Variants in AGMO observed in about 807,000 individuals in gnomAD.
The protein encoded by AGMO is alkylglycerol monooxygenase.
AGMO carries 75 observed loss-of-function variants against 60.2 expected under a neutral mutation model. The observed-to-expected ratio is 1.25, with a 90% CI of 1.03 to 1.51. The LOEUF is 1.51. AGMO is among the 40% of genes most tolerant of loss of function. The probability of loss-of-function intolerance (pLI) is 0.00; values close to 1 mark genes in which losing one functional copy is unlikely to be tolerated. For synonymous variants in AGMO, 261 were observed against 177.1 expected (o/e 1.47, Z -3.76); for missense variants, 763 against 525.5 (o/e 1.45, Z -4.42).
At chr7:15,363,982 T>G (rs1026349880) in intron 12 of AGMO, among the ~76,000 whole-genome samples, 1 of 152,080 alleles carries the variant, frequency 6.6e-6, no homozygotes, top group African/African-American at 2.4e-5. Flanking sequence ...GTATAATTTA[T>G]GATTATTTTG....
At chr7:15,397,022 A>G (rs550712340) in intron 5 of AGMO, among the ~76,000 whole-genome samples, 2 of 152,232 alleles carry the variant, frequency 1.3e-5, no homozygotes, top group East Asian at 2.0e-4. Flanking sequence ...ACAATCCTTT[A>G]GCTACACAGA....
intron 12 of AGMO, among the ~76,000 whole-genome samples, chr7:15,328,249 C>T (rs1181025845): frequency 6.6e-6 from 1 of 152,086 alleles, no homozygotes; most frequent in African/African-American, 2.4e-5. Context: ...AGGTGTGTGC[C>T]ACCACACCCG....
At chr7:15,487,036 T>G (rs1448019571) in intron 3 of AGMO, among the ~76,000 whole-genome samples, 1 of 152,176 alleles carries the variant, frequency 6.6e-6, no homozygotes, top group Non-Finnish European at 1.5e-5. Context: ...TCAGATTGAG[T>G]AGATAAAGCA....
intron 3 of AGMO, among the ~76,000 whole-genome samples, chr7:15,528,736 C>T (rs1273170197): frequency 3.3e-5 from 5 of 152,074 alleles, no homozygotes; most frequent in Non-Finnish European, 7.3e-5. Context: ...GCAACCTCCG[C>T]CTCCTAGGTT....
chr7:15,212,613 T>C (rs531089678), intron 12 of AGMO, among the ~76,000 whole-genome samples: 1 of 152,142 alleles, frequency 6.6e-6, no homozygotes, highest in Non-Finnish European at 1.5e-5. Flanking sequence ...TTAGCTTACT[T>C]GTAAAATGAA....
chr7:15,461,377 C>G (rs1001583151), intron 3 of AGMO, among the ~76,000 whole-genome samples: 56 of 151,612 alleles, frequency 3.7e-4, no homozygotes, highest in Admixed American at 2.6e-4. Flanking sequence ...AAACAGCACC[C>G]TTAATATTTC....
intron 2 of AGMO, among the ~76,000 whole-genome samples, chr7:15,547,171 T>A (rs915856088): frequency 7.1e-6 from 1 of 140,762 alleles, no homozygotes; most frequent in Admixed American, 7.1e-5. Flanking sequence ...GCACCTAGAT[T>A]TAGGACCCTT....
At position 15,427,830 on chromosome 7, in the gene AGMO, A is replaced by G. The variant is rs144436797; in HGVS notation, c.513+3175T>C. ...GAAGTCTCACTTAAAATGGCACTCT[A>G]TCAATAGCCCTCCTTGTTGGTGAGT... On this transcript the variant is annotated intron_variant, in intron 4 of 12. Transcript: ENST00000342526. Among the ~76,000 whole-genome samples, 321 of 152,280 alleles carry G rather than the reference A, an allele frequency of 2.1e-3. 1 individual carries two copies. The highest frequency in any genetic ancestry group is 7.1e-3 in the African/African-American group (297 of 41,578).
At chr7:15,529,666 T>TCTGTATATAGAATATATATA (rs1784242477) in intron 3 of AGMO, among the ~76,000 whole-genome samples, 4 of 12,358 alleles carry the variant, frequency 3.2e-4, no homozygotes, top group Admixed American at 1.5e-3. Context: ...CTATATATAT[T>TCTGTATATAGAATATATATA]CTATATATAT....
At chr7:15,430,654 A>G (rs1781208393) in intron 4 of AGMO, among the ~76,000 whole-genome samples, 1 of 151,108 alleles carries the variant, frequency 6.6e-6, no homozygotes, top group Admixed American at 6.6e-5. Context: ...AAACTGGTAA[A>G]AGTTTTTACT....
chr7:15,159,854 T>C, the AGMO span, among the ~76,000 whole-genome samples: 1 of 152,190 alleles, frequency 6.6e-6, no homozygotes, highest in Non-Finnish European at 1.5e-5. Context: ...AGGTCCTGCA[T>C]ATTGTGTGGT....
intron 4 of AGMO, 147 bp from the exon 5 acceptor site, chr7:15,418,800 C>T (rs1165547579): frequency 3.6e-6 from 2 of 557,740 alleles, no homozygotes; most frequent in East Asian, 7.3e-5. Flanking sequence ...TACTTTGCAA[C>T]ATTAATTTTC....
rs532234530 is a variant in AGMO, at chr7:15,392,709, G to C, written c.676+1404C>G. Among the ~76,000 whole-genome samples the C allele has an allele frequency of 9.7e-4, 148 of 152,194 alleles. No homozygotes were observed. In the South Asian group the frequency reaches 0.017, roughly 17 times the overall value. ...AGTTACTTGGGAGGCTGCAGCAGAA[G>C]AATCACTTGAACCCGGTAGGCGGAT... On this transcript the variant is annotated intron_variant, in intron 6 of 12. Transcript: ENST00000342526.
intron 12 of AGMO, among the ~76,000 whole-genome samples, chr7:15,353,929 G>A (rs958128480): frequency 3.3e-5 from 5 of 152,092 alleles, no homozygotes; most frequent in Admixed American, 3.3e-4. Flanking sequence ...TCTCTTAGGT[G>A]TGGATTCAGT....
At chr7:15,425,966 A>G (rs1781051500) in intron 4 of AGMO, among the ~76,000 whole-genome samples, 2 of 152,320 alleles carry the variant, frequency 1.3e-5, no homozygotes, top group Middle Eastern at 3.4e-3. Context: ...TGAGAGAAAT[A>G]CTAAACTCTT....
intron 3 of AGMO, among the ~76,000 whole-genome samples, chr7:15,456,786 C>T (rs894860652): frequency 4.6e-5 from 7 of 152,194 alleles, no homozygotes; most frequent in East Asian, 1.9e-4. Context: ...TGGCTCTGTG[C>T]GCTACTATTT....
At position 15,398,902 on chromosome 7, in the gene AGMO, C is replaced by G. The variant is rs544058339; in HGVS notation, c.610-4723G>C. 3.9e-5 allele frequency among the ~76,000 whole-genome samples: 6 copies of G among 152,254 alleles called. No individual in the cohort carries two copies. In the South Asian group the frequency reaches 1.0e-3, roughly 26 times the overall value. On this transcript the variant is annotated intron_variant, in intron 5 of 12. Transcript: ENST00000342526. ...CCATAAAGCCTTTCCGATTTCAGCT[C>G]ATGAATCTTTCTACTTATCCATCAT...
chr7:15,412,377 C>T (rs1156985884), intron 5 of AGMO, among the ~76,000 whole-genome samples: 1 of 151,730 alleles, frequency 6.6e-6, no homozygotes, highest in Admixed American at 6.6e-5. Flanking sequence ...GGTTAGGAGT[C>T]GTAGGCCAAA....
intron 10 of AGMO, among the ~76,000 whole-genome samples, chr7:15,370,650 A>T (rs183016783): frequency 2.3e-4 from 35 of 152,192 alleles, no homozygotes; most frequent in African/African-American, 5.3e-4. Context: ...AGTGACGTTG[A>T]TAATTTTTTC....
Sources: gnomAD v4.1 joint callset for allele counts (sites outside exome capture counted in the v4.1 genomes callset) on GRCh38, gnomAD v4.1.1 for gene constraint, MANE v1.5 for transcripts, NCBI Gene and HGNC (gene_info 2026-07-23, HGNC 2026-07-21) for gene names.